The following IGSF10 variants were observed in gnomAD, a reference collection of about 807,000 sequenced individuals.
IGSF10 encodes calvaria mechanical force protein 608.
A neutral mutation model predicts 128.2 loss-of-function variants in IGSF10; 126 were observed. The observed-to-expected ratio is 0.98, with a 90% CI of 0.85 to 1.14. The LOEUF is 1.14. IGSF10 is among the 50% of genes most tolerant of loss of function. The probability of loss-of-function intolerance (pLI) is 0.00; values close to 1 mark genes in which losing one functional copy is unlikely to be tolerated. For synonymous variants in IGSF10, 1,185 were observed against 1,146.2 expected, an observed-to-expected ratio of 1.03 and a Z score of -0.68; for missense variants, 3,295 against 3,149.8, an observed-to-expected ratio of 1.05 and a Z score of -1.10.
chr3:151,530,461 A>G, the IGSF10 span, among the ~76,000 whole-genome samples: 3 of 152,208 alleles, frequency 2.0e-5, no homozygotes, highest in Admixed American at 2.0e-4. Flanking sequence ...GGGCAGCCAG[A>G]GAGAAATATC....
the IGSF10 span, among the ~76,000 whole-genome samples, chr3:151,513,135 A>G: frequency 6.7e-4 from 102 of 152,340 alleles, no homozygotes; most frequent in African/African-American, 2.3e-3. Context: ...TCATCCTGAT[A>G]CCAAAGCCTG....
At chr3:151,505,709 A>C in the IGSF10 span, among the ~76,000 whole-genome samples, 1 of 152,196 alleles carries the variant, frequency 6.6e-6, no homozygotes, top group Non-Finnish European at 1.5e-5. Context: ...AGGCCTCCCA[A>C]ATTAGTCTTT....
chr3:151,512,306 A>T, the IGSF10 span, among the ~76,000 whole-genome samples: 1 of 152,198 alleles, frequency 6.6e-6, no homozygotes, highest in African/African-American at 2.4e-5. Flanking sequence ...GGATTAAGAA[A>T]CTCACTCAAA....
the IGSF10 span, among the ~76,000 whole-genome samples, chr3:151,588,581 C>T: frequency 6.6e-5 from 10 of 152,232 alleles, no homozygotes; most frequent in Admixed American, 2.0e-4. Context: ...GTGGTTACAG[C>T]CCAGTTTCTG....
At chr3:151,467,266 G>T in the IGSF10 span, among the ~76,000 whole-genome samples, 1 of 152,100 alleles carries the variant, frequency 6.6e-6, no homozygotes, top group African/African-American at 2.4e-5. Flanking sequence ...TGATGAAAAA[G>T]AGGAAGTTAG....
chr3:151,608,520 T>C, the IGSF10 span, among the ~76,000 whole-genome samples: 2 of 152,338 alleles, frequency 1.3e-5, no homozygotes, highest in Non-Finnish European at 2.9e-5. Context: ...TTCATTCTCA[T>C]GATTCAGCTT....
At chr3:151,562,554 A>G in the IGSF10 span, among the ~76,000 whole-genome samples, 2 of 152,096 alleles carry the variant, frequency 1.3e-5, no homozygotes, top group African/African-American at 4.8e-5. Flanking sequence ...AAGATGACAC[A>G]TACTGTTCAA....
chr3:151,526,846 ATCAGGTGC>A, the IGSF10 span, among the ~76,000 whole-genome samples: 1 of 152,084 alleles, frequency 6.6e-6, no homozygotes, highest in African/African-American at 2.4e-5. Flanking sequence ...CACCCTCTGT[ATCAGGTGC>A]TTGGGCAGAA....
the IGSF10 span, among the ~76,000 whole-genome samples, chr3:151,485,715 A>G: frequency 1.3e-5 from 2 of 152,336 alleles, no homozygotes; most frequent in South Asian, 4.1e-4. Flanking sequence ...TTCATAAACA[A>G]AGGAGAAATA....
At chr3:151,526,715 A>G in the IGSF10 span, among the ~76,000 whole-genome samples, 1 of 151,658 alleles carries the variant, frequency 6.6e-6, no homozygotes, top group African/African-American at 2.4e-5. Flanking sequence ...TTTCTGATGC[A>G]TTTGCTTTCA....
chr3:151,565,310 A>G, the IGSF10 span, among the ~76,000 whole-genome samples: 3 of 152,132 alleles, frequency 2.0e-5, no homozygotes, highest in African/African-American at 7.2e-5. Context: ...TAGGCCCAGA[A>G]ACCATATTTC....
chr3:151,519,102 G>T, the IGSF10 span, among the ~76,000 whole-genome samples: 2 of 151,912 alleles, frequency 1.3e-5, no homozygotes, highest in African/African-American at 4.8e-5. Context: ...GTTTGTATTT[G>T]TATTAGTTAG....
the IGSF10 span, among the ~76,000 whole-genome samples, chr3:151,483,593 A>G: frequency 1.3e-5 from 2 of 152,136 alleles, no homozygotes; most frequent in Admixed American, 6.5e-5. Context: ...GATGATTTCT[A>G]TATTTCTAAC....
intron 7 of IGSF10, among the ~76,000 whole-genome samples, chr3:151,442,363 A>G (rs1343443873): frequency 6.8e-6 from 1 of 146,326 alleles, no homozygotes; most frequent in Non-Finnish European, 1.5e-5. Flanking sequence ...GAGTGTGAAT[A>G]TATTTATACA....
chr3:151,468,074 CTTA>C, the IGSF10 span, among the ~76,000 whole-genome samples: 1 of 152,160 alleles, frequency 6.6e-6, no homozygotes, highest in African/African-American at 2.4e-5. Flanking sequence ...ACATTCTGGG[CTTA>C]AAGTACGGCA....
the IGSF10 span, among the ~76,000 whole-genome samples, chr3:151,563,306 C>T: frequency 3.3e-5 from 5 of 152,260 alleles, no homozygotes; most frequent in African/African-American, 1.2e-4. Flanking sequence ...TGTCCCAGGG[C>T]ATCCTGCCTA....
chr3:151,584,375 A>G, the IGSF10 span, among the ~76,000 whole-genome samples: 1 of 152,162 alleles, frequency 6.6e-6, no homozygotes, highest in African/African-American at 2.4e-5. Flanking sequence ...TTATCTTTTA[A>G]TGAGGCCATT....
At chr3:151,466,971 T>C in the IGSF10 span, among the ~76,000 whole-genome samples, 10 of 152,160 alleles carry the variant, frequency 6.6e-5, no homozygotes, top group Non-Finnish European at 1.3e-4. Context: ...AAAAATTGTG[T>C]ATTTGTGAGG....
chr3:151,531,382 ATTC>A, the IGSF10 span, among the ~76,000 whole-genome samples: 1 of 152,214 alleles, frequency 6.6e-6, no homozygotes, highest in African/African-American at 2.4e-5. Context: ...CAGAACATAC[ATTC>A]TTCTCAGCAC....
Sources: allele counts gnomAD v4.1 joint callset (sites outside exome capture counted in the v4.1 genomes callset), GRCh38; gene constraint gnomAD v4.1.1; transcripts MANE v1.5; gene names NCBI Gene and HGNC (gene_info 2026-07-23, HGNC 2026-07-21).